SEC11A: variants seen among roughly 807,000 people sequenced by gnomAD.
SEC11A encodes SEC11 homolog A, signal peptidase complex subunit, also known as signal peptidase complex catalytic subunit SEC11A.
SEC11A carries 14 observed loss-of-function variants against 25.6 expected under a neutral mutation model. That is an observed-to-expected ratio of 0.55 (90% CI 0.36 to 0.85). The LOEUF is 0.85. SEC11A is among the 40% of genes least tolerant of loss of function. The probability of loss-of-function intolerance (pLI) is 0.01; values close to 1 mark genes in which losing one functional copy is unlikely to be tolerated. For synonymous variants in SEC11A, 83 were observed against 76.4 expected (o/e 1.09, Z -0.45); for missense variants, 153 against 222.9 (o/e 0.69, Z 2.00).
chr15:84,703,969 A>G (rs529474563), intron 1 of SEC11A, among the ~76,000 whole-genome samples: 1 of 152,254 alleles, frequency 6.6e-6, no homozygotes, highest in South Asian at 2.1e-4. Flanking sequence ...ACTCATGACC[A>G]AAGTGGCTGC....
At chr15:84,714,826 C>T (rs1229361588) in intron 1 of SEC11A, 1 of 152,176 alleles carries the variant, frequency 6.6e-6, no homozygotes, top group East Asian at 1.9e-4. Flanking sequence ...TCCTTGAAGG[C>T]CGAGTCTTTC....
chr15:84,695,336 G>T (rs1166250718), intron 1 of SEC11A, among the ~76,000 whole-genome samples: 1 of 151,622 alleles, frequency 6.6e-6, no homozygotes, highest in Non-Finnish European at 1.5e-5. Flanking sequence ...GGTGGCACAT[G>T]CCTGTAATCT....
chr15:84,703,446 A>C (rs1015165796), intron 1 of SEC11A, among the ~76,000 whole-genome samples: 2 of 152,188 alleles, frequency 1.3e-5, no homozygotes, highest in Non-Finnish European at 2.9e-5. Flanking sequence ...CTCATCTTGC[A>C]TTTACTGCCT....
Position 84,678,836 on chromosome 15 carries a change from T to C in SEC11A, c.431+1877A>G, listed in dbSNP as rs1239813634. Among the ~76,000 whole-genome samples the C allele has an allele frequency of 2.0e-5, 3 of 151,892 alleles. No individual in the cohort carries two copies. In the East Asian group the frequency reaches 5.8e-4, roughly 29 times the overall value. On this transcript the variant is annotated intron_variant, in intron 4 of 5. Transcript: ENST00000268220. ...ATCGAGACCCCATCTCTACTAAAAA[T>C]ACAAAAAATTAGCTGGGTGTGGTGA...
At chr15:84,679,537 ACT>A (rs1160051334) in intron 4 of SEC11A, among the ~76,000 whole-genome samples, 1 of 152,152 alleles carries the variant, frequency 6.6e-6, no homozygotes, top group Non-Finnish European at 1.5e-5. Context: ...TGGTGTAATA[ACT>A]CTGTATCCAT....
At chr15:84,693,342 T>A (rs1897665370) in intron 1 of SEC11A, among the ~76,000 whole-genome samples, 1 of 150,670 alleles carries the variant, frequency 6.6e-6, no homozygotes. Flanking sequence ...GGCTGGATCT[T>A]GGTTCAAAAA....
chr15:84,674,269 T>A (rs1170203643), intron 4 of SEC11A, among the ~76,000 whole-genome samples: 1 of 151,562 alleles, frequency 6.6e-6, no homozygotes, highest in Non-Finnish European at 1.5e-5. Flanking sequence ...GTTATTTCTT[T>A]TGTCTCATTT....
chr15:84,690,169 C>G (rs1190237803), intron 2 of SEC11A, among the ~76,000 whole-genome samples: 1 of 152,076 alleles, frequency 6.6e-6, no homozygotes, highest in Non-Finnish European at 1.5e-5. Context: ...AGGGACCCAG[C>G]AGGAGGTAAC....
At chr15:84,712,924 C>T (rs567309340) in intron 1 of SEC11A, among the ~76,000 whole-genome samples, 26 of 151,966 alleles carry the variant, frequency 1.7e-4, no homozygotes, top group Middle Eastern at 6.8e-3. Context: ...ACTTATCGGC[C>T]GGCCGGGAGC....
intron 1 of SEC11A, among the ~76,000 whole-genome samples, chr15:84,693,366 GA>G (rs1277039430): frequency 6.7e-6 from 1 of 148,762 alleles, no homozygotes. Flanking sequence ...AAAAGCATAA[GA>G]AAAAATCTGA....
intron 1 of SEC11A, among the ~76,000 whole-genome samples, chr15:84,697,854 A>G (rs1897813410): frequency 1.3e-5 from 2 of 152,250 alleles, no homozygotes; most frequent in South Asian, 4.1e-4. Context: ...TAGAATAATA[A>G]CCACAGAATT....
chr15:84,697,096 T>TAA (rs895547535), intron 1 of SEC11A, among the ~76,000 whole-genome samples: 1 of 146,254 alleles, frequency 6.8e-6, no homozygotes, highest in Admixed American at 6.9e-5. Context: ...CCCTGTCTCT[T>TAA]AAAAAAAAAA....
chr15:84,680,264 G>A (rs1379216885), intron 4 of SEC11A, among the ~76,000 whole-genome samples: 1 of 150,828 alleles, frequency 6.6e-6, no homozygotes, highest in Non-Finnish European at 1.5e-5. Context: ...TCGCGCTATT[G>A]CACTCCAGCC....
At chr15:84,705,107 T>C (rs1898057519) in intron 1 of SEC11A, among the ~76,000 whole-genome samples, 2 of 152,066 alleles carry the variant, frequency 1.3e-5, no homozygotes, top group African/African-American at 4.8e-5. Context: ...TAATTTCTTG[T>C]AGAGACGGGG....
chr15:84,687,600 C>G, intron 3 of SEC11A, 25 bp downstream of exon 3: 1 of 1,515,408 alleles, frequency 6.6e-7, no homozygotes, highest in East Asian at 2.5e-5. Flanking sequence ...CACTTAGAAA[C>G]AAAGATGCTA....
At chr15:84,711,511 A>G (rs1255807335) in intron 1 of SEC11A, among the ~76,000 whole-genome samples, 1 of 152,120 alleles carries the variant, frequency 6.6e-6, no homozygotes, top group African/African-American at 2.4e-5. Flanking sequence ...GCTGTTAAAA[A>G]ACTAGAATAA....
At position 84,704,976 on chromosome 15, in the gene SEC11A, G is replaced by T. The variant is rs183157845; in HGVS notation, c.51+11049C>A. Among the ~76,000 whole-genome samples the T allele has an allele frequency of 6.6e-5, 10 of 151,520 alleles. No homozygotes were observed. In the East Asian group the frequency reaches 1.9e-3, roughly 29 times the overall value. On this transcript the variant is annotated intron_variant, in intron 1 of 5. Transcript: ENST00000268220. ...GTCTCATTCTGTTGCCCAGGCTGGA[G>T]TACAGTAGTATGATCATAGCTCACT...
At position 84,696,205 on chromosome 15, in the gene SEC11A, C is replaced by T. The variant is rs560666916; in HGVS notation, c.52-4561G>A. Among the ~76,000 whole-genome samples the T allele has an allele frequency of 2.3e-4, 35 of 152,252 alleles. No homozygotes were observed. The South Asian group carries it at 7.0e-3, about 31-fold the overall frequency. On this transcript the variant is annotated intron_variant, in intron 1 of 5. Transcript: ENST00000268220. Reference sequence around the variant, plus strand: ...GAAACTGAGGCACAGAGAAGCTAAGCGACATGCTCATGGCTGCTTGTCTAC... The same window carrying T: ...GAAACTGAGGCACAGAGAAGCTAAGTGACATGCTCATGGCTGCTTGTCTAC...
intron 4 of SEC11A, among the ~76,000 whole-genome samples, chr15:84,675,546 G>T (rs1897111709): frequency 6.6e-6 from 1 of 152,196 alleles, no homozygotes; most frequent in Non-Finnish European, 1.5e-5. Flanking sequence ...AGAATGACTT[G>T]TTTCAAGTAA....
Sources: gnomAD v4.1 joint callset for allele counts (sites outside exome capture counted in the v4.1 genomes callset) on GRCh38, gnomAD v4.1.1 for gene constraint, MANE v1.5 for transcripts, NCBI Gene and HGNC (gene_info 2026-07-23, HGNC 2026-07-21) for gene names.